The following VWC2L variants were observed in gnomAD, a reference collection of about 807,000 sequenced individuals.
The protein encoded by VWC2L is von Willebrand factor C domain containing 2 like, also known as von Willebrand factor C domain-containing protein 2-like.
Under a neutral mutation model 21.6 loss-of-function variants are expected in VWC2L, and 10 were observed. The ratio of observed to expected loss-of-function variants is 0.46; its 90% CI spans 0.29 to 0.78. The LOEUF (loss-of-function observed/expected upper bound fraction) is 0.78. Ranked by LOEUF, VWC2L falls within the 30% of genes least tolerant of loss-of-function variation. The pLI, the probability that VWC2L is intolerant of heterozygous loss-of-function variation, is 0.10. For synonymous variants in VWC2L, 96 were observed against 94.3 expected, an observed-to-expected ratio of 1.02 and a Z score of -0.10; for missense variants, 209 against 277.1, an observed-to-expected ratio of 0.75 and a Z score of 1.74.
intron 3 of VWC2L, among the ~76,000 whole-genome samples, chr2:214,535,649 T>C (rs1689515137): frequency 6.6e-6 from 1 of 152,136 alleles, no homozygotes; most frequent in African/African-American, 2.4e-5. Context: ...GCGTAAGTCA[T>C]CCCAATTTCA....
rs181159601 is a variant in VWC2L, at chr2:214,485,057, C to T, written c.520+48299C>T. Among the ~76,000 whole-genome samples the T allele has an allele frequency of 7.2e-5, 11 of 152,234 alleles. No individual in the cohort carries two copies. In the East Asian group the frequency reaches 1.9e-3, roughly 27 times the overall value. On this transcript the variant is annotated intron_variant, in intron 3 of 3. Transcript: ENST00000312504. Reference sequence around the variant, plus strand: ...TCTGGCCGGGTGCAGTGGCTCATGCCTATAATCCCAGCACTTTGGGAGGTT... The same window carrying T: ...TCTGGCCGGGTGCAGTGGCTCATGCTTATAATCCCAGCACTTTGGGAGGTT...
At chr2:214,478,508 A>G (rs1688558542) in intron 3 of VWC2L, among the ~76,000 whole-genome samples, 1 of 152,104 alleles carries the variant, frequency 6.6e-6, no homozygotes, top group African/African-American at 2.4e-5. Context: ...CAACAAAAAA[A>G]GACTGGCTGC....
intron 3 of VWC2L, among the ~76,000 whole-genome samples, chr2:214,494,315 C>T (rs571008001): frequency 1.2e-4 from 19 of 152,160 alleles, no homozygotes; most frequent in Admixed American, 6.5e-4. Context: ...TCAATTATTC[C>T]GATTTGGAAT....
At chr2:214,460,446 A>T (rs1703123556) in intron 3 of VWC2L, among the ~76,000 whole-genome samples, 1 of 152,012 alleles carries the variant, frequency 6.6e-6, no homozygotes, top group Non-Finnish European at 1.5e-5. Context: ...GGCATTCTTC[A>T]TTCCTTTTTA....
intron 3 of VWC2L, among the ~76,000 whole-genome samples, chr2:214,552,392 C>T (rs1280186563): frequency 6.6e-6 from 1 of 151,686 alleles, no homozygotes; most frequent in Non-Finnish European, 1.5e-5. Flanking sequence ...TTTTTTTTTC[C>T]CCACATCTCA....
At position 214,414,373 on chromosome 2, in the gene VWC2L, A is replaced by G; in HGVS notation, c.180A>G (p.Val60=). 6.2e-7 allele frequency: 1 copy of G among 1,613,710 alleles called. No individual in the cohort carries two copies. Among genetic ancestry groups the G allele is most frequent in the South Asian group, 1.1e-5 (1 of 91,048 alleles). Residue 60 remains valine, a synonymous_variant, in exon 2 of 4, where the codon GTA becomes GTG. Transcript: ENST00000312504. ...GGTGTGTCGATGACAGCGGCTTTGT[A>G]TACAAGTTGGGAGAACGATTTTTCC... The part of the protein sequence containing the change: ...GKGCVDDSGF[V]YKLGERFFPG...
At chr2:214,455,459 T>A (rs1703042200) in intron 3 of VWC2L, among the ~76,000 whole-genome samples, 3 of 152,206 alleles carry the variant, frequency 2.0e-5, no homozygotes. Flanking sequence ...TTTAATATAT[T>A]GTCAAATGCA....
intron 3 of VWC2L, among the ~76,000 whole-genome samples, chr2:214,437,335 G>C (rs890213069): frequency 1.3e-5 from 2 of 152,104 alleles, no homozygotes; most frequent in Non-Finnish European, 2.9e-5. Flanking sequence ...AGAGCAACTT[G>C]TTTTATTTAC....
chr2:214,502,994 T>C (rs1174536778), intron 3 of VWC2L, among the ~76,000 whole-genome samples: 4 of 152,218 alleles, frequency 2.6e-5, no homozygotes, highest in Non-Finnish European at 5.9e-5. Context: ...AAGACGGGAA[T>C]GCTTAACAAA....
chr2:214,489,631 G>A (rs1007275733), intron 3 of VWC2L, among the ~76,000 whole-genome samples: 26 of 152,234 alleles, frequency 1.7e-4, no homozygotes, highest in African/African-American at 5.8e-4. Context: ...GAGATAGGGA[G>A]CTCTGGAGAG....
chr2:214,542,295 C>T (rs1439197170), intron 3 of VWC2L, among the ~76,000 whole-genome samples: 2 of 152,156 alleles, frequency 1.3e-5, no homozygotes, highest in Non-Finnish European at 1.5e-5. Context: ...ACCTCCAAAA[C>T]CCACCAGGAT....
intron 3 of VWC2L, among the ~76,000 whole-genome samples, chr2:214,506,024 T>C (rs1040685443): frequency 7.2e-5 from 11 of 152,184 alleles, no homozygotes; most frequent in African/African-American, 2.4e-4. Context: ...TGCTTAATAA[T>C]ATGTATGAAA....
chr2:214,457,739 A>G (rs1703077799), intron 3 of VWC2L, among the ~76,000 whole-genome samples: 1 of 152,052 alleles, frequency 6.6e-6, no homozygotes, highest in African/African-American at 2.4e-5. Context: ...GATGATCACA[A>G]TCATTCTTTT....
At chr2:214,511,211 G>A (rs1689046535) in intron 3 of VWC2L, among the ~76,000 whole-genome samples, 1 of 152,094 alleles carries the variant, frequency 6.6e-6, no homozygotes, top group Non-Finnish European at 1.5e-5. Context: ...GCTACAGTGA[G>A]CCATGTTCAT....
At chr2:214,435,486 G>A (rs998301118) in intron 2 of VWC2L, among the ~76,000 whole-genome samples, 1 of 152,158 alleles carries the variant, frequency 6.6e-6, no homozygotes, top group African/African-American at 2.4e-5. Flanking sequence ...ATAATTAGTT[G>A]AAGGGTTTCC....
At chr2:214,514,477 T>TA (rs1689109141) in intron 3 of VWC2L, among the ~76,000 whole-genome samples, 1 of 152,172 alleles carries the variant, frequency 6.6e-6, no homozygotes, top group African/African-American at 2.4e-5. Flanking sequence ...CAGTTACAGA[T>TA]ACAGAGAAAT....
intron 3 of VWC2L, among the ~76,000 whole-genome samples, chr2:214,544,024 T>A (rs1689667199): frequency 6.6e-6 from 1 of 152,166 alleles, no homozygotes; most frequent in African/African-American, 2.4e-5. Context: ...TGCAACCCTA[T>A]GGGGACAAAA....
intron 3 of VWC2L, among the ~76,000 whole-genome samples, chr2:214,502,079 T>C (rs1446611601): frequency 1.3e-5 from 2 of 152,258 alleles, no homozygotes; most frequent in East Asian, 3.8e-4. Flanking sequence ...GGAGGTAGTT[T>C]GTCACAGATC....
chr2:214,555,862 A>G (rs986560518), intron 3 of VWC2L, among the ~76,000 whole-genome samples: 2 of 152,150 alleles, frequency 1.3e-5, no homozygotes, highest in Non-Finnish European at 2.9e-5. Flanking sequence ...TAATATTCTC[A>G]TCATATAAAA....
Sources: gnomAD v4.1 joint callset for allele counts (sites outside exome capture counted in the v4.1 genomes callset) on GRCh38, gnomAD v4.1.1 for gene constraint, MANE v1.5 for transcripts, NCBI Gene and HGNC (gene_info 2026-07-23, HGNC 2026-07-21) for gene names.